Variants in CDK11B observed in about 807,000 individuals in gnomAD.
CDK11B encodes cyclin-dependent kinase 11B.
In CDK11B, 37 loss-of-function variants were observed where a neutral mutation model predicts 84.0. The ratio of observed to expected loss-of-function variants is 0.44; its 90% CI spans 0.34 to 0.58. The LOEUF (loss-of-function observed/expected upper bound fraction) is 0.58. Ranked by LOEUF, CDK11B falls within the 20% of genes least tolerant of loss-of-function variation. The pLI, the probability that CDK11B is intolerant of heterozygous loss-of-function variation, is 0.02. For synonymous variants in CDK11B, 269 were observed against 309.8 expected (o/e 0.87, Z 1.38); for missense variants, 427 against 834.0 (o/e 0.51, Z 6.01).
At chr1:1,649,681 A>T (rs1641632258) in intron 4 of CDK11B, 44 bp from the exon 5 acceptor site, 1 of 1,600,780 alleles carries the variant, frequency 6.2e-7, no homozygotes, top group Non-Finnish European at 8.5e-7. Flanking sequence ...TCACTTCAAA[A>T]ATTTCACATG....
intron 3 of CDK11B, 148 bp from the exon 4 acceptor site, chr1:1,652,714 A>C (rs1334530237): frequency 6.5e-5 from 39 of 603,520 alleles, no homozygotes; most frequent in Non-Finnish European, 2.7e-5. Flanking sequence ...TTAATTCTCC[A>C]ACTTTAGGCA....
At chr1:1,641,448 G>GC (rs1282744893) in intron 9 of CDK11B, among the ~76,000 whole-genome samples, 1 of 146,894 alleles carries the variant, frequency 6.8e-6, no homozygotes, top group African/African-American at 2.4e-5. Context: ...GGCAGAGGTT[G>GC]CAGTGAGCCG....
intron 2 of CDK11B, among the ~76,000 whole-genome samples, chr1:1,655,883 G>C (rs1245976847): frequency 6.6e-6 from 1 of 151,030 alleles, no homozygotes; most frequent in Non-Finnish European, 1.5e-5. Flanking sequence ...CTCCGTATCA[G>C]GGAAAACAAA....
At chr1:1,639,134 T>G (rs1387297520) in intron 11 of CDK11B, among the ~76,000 whole-genome samples, 1 of 151,432 alleles carries the variant, frequency 6.6e-6, no homozygotes, top group East Asian at 1.9e-4. Context: ...AGAGACAGGA[T>G]TTCACCATAT....
chr1:1,653,197 T>C (rs1379514057), intron 3 of CDK11B, among the ~76,000 whole-genome samples: 1 of 145,358 alleles, frequency 6.9e-6, no homozygotes, highest in Admixed American at 6.9e-5. Context: ...GCTAATTTTT[T>C]TATTTTTAGT....
At chr1:1,655,998 G>A (rs1354058783) in intron 2 of CDK11B, among the ~76,000 whole-genome samples, 1 of 152,150 alleles carries the variant, frequency 6.6e-6, no homozygotes, top group Non-Finnish European at 1.5e-5. Flanking sequence ...TATATGACAA[G>A]GGACATTAGA....
intron 4 of CDK11B, among the ~76,000 whole-genome samples, chr1:1,650,089 TG>T (rs1347216455): frequency 6.7e-6 from 1 of 150,234 alleles, no homozygotes; most frequent in Non-Finnish European, 1.5e-5. Context: ...GCTAACACGG[TG>T]AAACCCCATC....
Position 1,657,349 on chromosome 1 carries a change from C to T in CDK11B, c.111+26G>A, listed in dbSNP as rs374340888. 8.4e-5 allele frequency: 135 copies of T among 1,613,650 alleles called. No homozygotes were observed. The African/African-American group carries it at 1.6e-3, about 20-fold the overall frequency. On this transcript the variant is annotated intron_variant, in intron 2 of 19. Transcript: ENST00000341832. ...AGAAATTAAATCTCCTTTAAGAAAA[C>T]CACTTACTTAAAAAATATGGCTTAC...
In CDK11B at chr1:1,635,813, G is replaced by A; in HGVS notation, c.2300C>T (p.Thr767Met). 2.9e-6 allele frequency: 1 copy of A among 348,524 alleles called. No individual in the cohort carries two copies. Among genetic ancestry groups the A allele is most frequent in the Non-Finnish European group, 4.7e-6 (1 of 211,568 alleles). 21.6% of individuals were successfully genotyped at this position (348,524 alleles called of 1,614,324 possible). Residue 767 changes from threonine (T) to methionine (M), a missense_variant, in exon 20 of 20, where the codon ACG becomes ATG. By Grantham distance (81) the Thr-to-Met change is moderately conservative. Around this residue, in one of 12 missense-constraint regions of CDK11B, gnomAD observed 170 missense variants for 196.0 expected, o/e 0.87. Transcript: ENST00000341832. ...LKETGFHLTT[T>M]NQGASAAGPG... is the part of the protein sequence containing the mutation. ...GCCCGCGGCAGAGGCCCCCTGGTTCGTGGTGGTAAGGTGGAAGCCCGTCTC... is the reference window on the plus strand; with the variant it reads ...GCCCGCGGCAGAGGCCCCCTGGTTCATGGTGGTAAGGTGGAAGCCCGTCTC...
At chr1:1,656,397 A>G (rs1333404646) in intron 2 of CDK11B, among the ~76,000 whole-genome samples, 1 of 152,206 alleles carries the variant, frequency 6.6e-6, no homozygotes, top group Non-Finnish European at 1.5e-5. Context: ...AGGCTGAGAC[A>G]GGAGAACTGC....
chr1:1,637,387 G>T lies in CDK11B; in HGVS notation c.1570+21C>A, dbSNP rs762863154. 1.3e-5 allele frequency: 21 copies of T among 1,609,854 alleles called. 1 individual carries two copies. The African/African-American group carries it at 2.7e-4, about 20-fold the overall frequency. On this transcript the variant is annotated intron_variant, in intron 14 of 19. Coordinates refer to ENST00000341832, the MANE Select transcript of CDK11B (RefSeq NM_033486.3). The stretch of plus-strand genomic sequence containing the variant: ...CCTGCCCCCACTTGTACGCAGACAG[G>T]CCCCTGGGGCGCGGCTGTACCTGGC...
Position 1,637,393 on chromosome 1 carries a change from G to A in CDK11B, c.1570+15C>T, listed in dbSNP as rs1454742484. The A allele has an allele frequency of 1.9e-6, 3 of 1,611,834 alleles. No homozygotes were observed. The highest frequency in any genetic ancestry group is 2.5e-6 in the Non-Finnish European group (3 of 1,178,986). ...CCCACTTGTACGCAGACAGGCCCCT[G>A]GGGCGCGGCTGTACCTGGCAGGAAG... is the stretch of plus-strand genomic sequence containing the variant. On this transcript the variant is annotated intron_variant, in intron 14 of 19. Coordinates refer to ENST00000341832, the MANE Select transcript of CDK11B (RefSeq NM_033486.3).
At chr1:1,650,688 TA>T (rs1334163227) in intron 4 of CDK11B, among the ~76,000 whole-genome samples, 3 of 122,550 alleles carry the variant, frequency 2.4e-5, no homozygotes, top group Non-Finnish European at 3.7e-5. Flanking sequence ...TTTTTTTTTT[TA>T]AAGAGACAGG....
At chr1:1,649,024 A>G (rs1014391650) in intron 5 of CDK11B, among the ~76,000 whole-genome samples, 1 of 152,168 alleles carries the variant, frequency 6.6e-6, no homozygotes, top group African/African-American at 2.4e-5. Flanking sequence ...TCACTCCCTC[A>G]GGACAGTTCT....
chr1:1,649,884 A>G (rs1482649500), intron 4 of CDK11B, among the ~76,000 whole-genome samples: 5,640 of 151,072 alleles, frequency 0.037, 176 homozygotes, highest in Non-Finnish European at 0.051. Flanking sequence ...GCTGAGGCAG[A>G]AGAATTGCTT....
At chr1:1,637,279 C>T (rs2100673445) in intron 14 of CDK11B, 77 bp from the exon 15 acceptor site, 2 of 1,583,522 alleles carry the variant, frequency 1.3e-6, no homozygotes, top group South Asian at 2.3e-5. Flanking sequence ...CTCGCCTCGG[C>T]AGCAACAGAG....
rs1367752921 is a variant in CDK11B, at chr1:1,637,875, C to T, written c.1351G>A (p.Val451Met). Residue 451 changes from valine to methionine, a missense_variant, in exon 13 of 20, where the codon GTG becomes ATG. Coordinates refer to ENST00000341832, the MANE Select transcript of CDK11B (RefSeq NM_033486.3). ...RAKDKKTDEI[V>M]ALKRLKMEKE... Reference sequence around the variant, plus strand: ...TCCATCTTCAGCCGCTTTAGAGCCACAATTTCATCTGTGAAGAAAATACAG... The same window carrying T: ...TCCATCTTCAGCCGCTTTAGAGCCATAATTTCATCTGTGAAGAAAATACAG... The T allele has an allele frequency of 1.2e-6, 2 of 1,613,622 alleles. No homozygotes were observed. The highest frequency in any genetic ancestry group is 8.5e-7 in the Non-Finnish European group (1 of 1,179,634).
At chr1:1,637,297 A>C in intron 14 of CDK11B, 95 bp from the exon 15 acceptor site, 1 of 1,571,896 alleles carries the variant, frequency 6.4e-7, no homozygotes, top group Non-Finnish European at 8.6e-7. Context: ...GAGGCTTCTC[A>C]GGGCTTTCCC....
chr1:1,653,863 C>CACACAG (rs761317190), intron 3 of CDK11B, among the ~76,000 whole-genome samples: 5 of 132,858 alleles, frequency 3.8e-5, no homozygotes, highest in Non-Finnish European at 6.0e-5. Context: ...CACACACACA[C>CACACAG]CCGAGCGTGG....
Sources: allele counts gnomAD v4.1 joint callset (sites outside exome capture counted in the v4.1 genomes callset), GRCh38; gene constraint gnomAD v4.1.1; regional missense constraint gnomAD v4.1.1; transcripts MANE v1.5; gene names NCBI Gene and HGNC (gene_info 2026-07-23, HGNC 2026-07-21).